The following GRID2 variants were observed in gnomAD, a reference collection of about 807,000 sequenced individuals.
GRID2 encodes glutamate ionotropic receptor delta type subunit 2.
In GRID2, 33 loss-of-function variants were observed where a neutral mutation model predicts 114.8. That is an observed-to-expected ratio of 0.29 (90% CI 0.22 to 0.38). The LOEUF (loss-of-function observed/expected upper bound fraction) is 0.38, where lower values mean the gene tolerates loss of function less well. Ranked by LOEUF, GRID2 falls within the 10% of genes least tolerant of loss-of-function variation. The probability of loss-of-function intolerance (pLI) is 1.00; values close to 1 mark genes in which losing one functional copy is unlikely to be tolerated. For missense variants in GRID2, 1,184 were observed against 1,257.7 expected, an observed-to-expected ratio of 0.94 and a Z score of 0.89; for synonymous variants, 505 against 449.9, an observed-to-expected ratio of 1.12 and a Z score of -1.55.
chr4:92,784,475 C>T (rs1739226219), intron 2 of GRID2, among the ~76,000 whole-genome samples: 1 of 151,432 alleles, frequency 6.6e-6, no homozygotes, highest in African/African-American at 2.4e-5. Flanking sequence ...GTATTTCATC[C>T]AGTCAGGCAA....
intron 11 of GRID2, among the ~76,000 whole-genome samples, chr4:93,489,073 T>A (rs908238216): frequency 6.6e-6 from 1 of 152,020 alleles, no homozygotes; most frequent in African/African-American, 2.4e-5. Flanking sequence ...TGTTCCTATA[T>A]CAAAAATTAT....
intron 2 of GRID2, among the ~76,000 whole-genome samples, chr4:92,711,439 C>T (rs1446316255): frequency 6.6e-6 from 1 of 152,132 alleles, no homozygotes; most frequent in Non-Finnish European, 1.5e-5. Flanking sequence ...CTGAAGTCCC[C>T]AGTTTTTGTT....
intron 4 of GRID2, among the ~76,000 whole-genome samples, chr4:93,112,604 A>T (rs1732873672): frequency 6.6e-6 from 1 of 152,222 alleles, no homozygotes; most frequent in Non-Finnish European, 1.5e-5. Context: ...GTTTTCATTT[A>T]TAAATGACCC....
intron 1 of GRID2, among the ~76,000 whole-genome samples, chr4:92,350,650 A>T (rs1287445819): frequency 6.6e-6 from 1 of 151,790 alleles, no homozygotes; most frequent in Non-Finnish European, 1.5e-5. Flanking sequence ...TGTGATAAAA[A>T]TTACATTTTC....
At chr4:92,981,846 T>C (rs1221562031) in intron 2 of GRID2, among the ~76,000 whole-genome samples, 1 of 151,594 alleles carries the variant, frequency 6.6e-6, no homozygotes, top group East Asian at 1.9e-4. Flanking sequence ...ATTTTAATTC[T>C]TTGTTAAACT....
chr4:93,189,058 G>T (rs534001038), intron 4 of GRID2, among the ~76,000 whole-genome samples: 1 of 152,174 alleles, frequency 6.6e-6, no homozygotes, highest in South Asian at 2.1e-4. Flanking sequence ...TAAATTCATA[G>T]CTTTTTCTAG....
intron 2 of GRID2, among the ~76,000 whole-genome samples, chr4:92,662,876 G>A (rs1732587487): frequency 6.6e-6 from 1 of 151,072 alleles, no homozygotes; most frequent in Non-Finnish European, 1.5e-5. Flanking sequence ...TTAATAAAAA[G>A]TATGTAATTC....
At chr4:92,899,403 G>A (rs547833132) in intron 2 of GRID2, among the ~76,000 whole-genome samples, 2 of 152,152 alleles carry the variant, frequency 1.3e-5, no homozygotes, top group African/African-American at 4.8e-5. Context: ...CATATTCTGA[G>A]GAAGCATCCT....
intron 2 of GRID2, among the ~76,000 whole-genome samples, chr4:92,648,062 TA>T (rs776814846): frequency 1.3e-4 from 20 of 150,032 alleles, no homozygotes; most frequent in Admixed American, 3.3e-4. Flanking sequence ...GGACATTTTT[TA>T]TCCTGAAATT....
chr4:93,464,123 A>T (rs1724038762), intron 11 of GRID2, among the ~76,000 whole-genome samples: 1 of 152,332 alleles, frequency 6.6e-6, no homozygotes, highest in East Asian at 1.9e-4. Flanking sequence ...GGGAACAAAC[A>T]TCCTCAACAT....
chr4:93,238,937 T>C (rs1272210327), intron 8 of GRID2, among the ~76,000 whole-genome samples: 1 of 151,302 alleles, frequency 6.6e-6, no homozygotes, highest in Non-Finnish European at 1.5e-5. Context: ...ATGTGTCATG[T>C]AATATGTAGA....
At chr4:92,984,266 A>G (rs975784665) in intron 2 of GRID2, among the ~76,000 whole-genome samples, 1 of 152,206 alleles carries the variant, frequency 6.6e-6, no homozygotes, top group Non-Finnish European at 1.5e-5. Context: ...GCCACCATAG[A>G]GTTACATCAG....
At chr4:93,301,162 C>CAT (rs1754832335) in intron 8 of GRID2, among the ~76,000 whole-genome samples, 1 of 152,254 alleles carries the variant, frequency 6.6e-6, no homozygotes, top group African/African-American at 2.4e-5. Context: ...ATTTTCTAAA[C>CAT]ATATATATGA....
At chr4:93,176,585 C>G (rs767069574) in intron 4 of GRID2, among the ~76,000 whole-genome samples, 3 of 152,136 alleles carry the variant, frequency 2.0e-5, no homozygotes, top group Non-Finnish European at 4.4e-5. Context: ...ATTTCTAATG[C>G]ACTTAGGATG....
intron 2 of GRID2, among the ~76,000 whole-genome samples, chr4:92,919,043 C>T (rs145092123): frequency 0.015 from 2,261 of 152,154 alleles, 21 homozygotes; most frequent in East Asian, 0.053. Flanking sequence ...GTTATTGGCC[C>T]ATTCAGAGAT....
At chr4:93,126,991 T>C (rs1179776219) in intron 4 of GRID2, among the ~76,000 whole-genome samples, 1 of 152,176 alleles carries the variant, frequency 6.6e-6, no homozygotes, top group Non-Finnish European at 1.5e-5. Flanking sequence ...CTAGCTAGCA[T>C]TTATTAGGTT....
intron 14 of GRID2, among the ~76,000 whole-genome samples, chr4:93,765,504 G>T (rs763761283): frequency 6.6e-6 from 1 of 151,656 alleles, no homozygotes; most frequent in South Asian, 2.1e-4. Context: ...TCCCCTCGAT[G>T]ATCTCCTATC....
chr4:92,368,943 GAAA>G (rs34556616), intron 1 of GRID2, among the ~76,000 whole-genome samples: 1 of 128,404 alleles, frequency 7.8e-6, no homozygotes. Context: ...AGCAAATTGT[GAAA>G]AAAAAAAAAA....
intron 8 of GRID2, chr4:93,318,580 GA>G (rs1248339678): frequency 2.0e-5 from 3 of 152,126 alleles, no homozygotes; most frequent in Non-Finnish European, 4.4e-5. Context: ...AACTGCTCTG[GA>G]AGACTAGGAA....
Sources: gnomAD v4.1 joint callset for allele counts (sites outside exome capture counted in the v4.1 genomes callset) on GRCh38, gnomAD v4.1.1 for gene constraint, MANE v1.5 for transcripts, NCBI Gene and HGNC (gene_info 2026-07-23, HGNC 2026-07-21) for gene names.